SCHIP1: variants seen among roughly 807,000 people sequenced by gnomAD.
SCHIP1 encodes schwannomin-interacting protein 1.
A neutral mutation model predicts 29.7 loss-of-function variants in SCHIP1; 8 were observed. That is an observed-to-expected ratio of 0.27 (90% confidence interval 0.16 to 0.49). The LOEUF is 0.49. Among genes scored for constraint, SCHIP1 ranks in the 20% least tolerant of loss-of-function variants. The probability of loss-of-function intolerance (pLI) is 0.99; values close to 1 mark genes in which losing one functional copy is unlikely to be tolerated. For synonymous variants in SCHIP1, 76 were observed against 94.9 expected (o/e 0.80, Z 1.16); for missense variants, 193 against 294.6 (o/e 0.66, Z 2.52).
the SCHIP1 span, among the ~76,000 whole-genome samples, chr3:159,770,207 G>T: frequency 2.0e-5 from 3 of 152,140 alleles, no homozygotes; most frequent in African/African-American, 7.2e-5. Flanking sequence ...CATGTGCATT[G>T]TTTCTAGGTT....
At chr3:159,867,143 T>C (rs1714711934) in intron 2 of SCHIP1, among the ~76,000 whole-genome samples, 1 of 152,210 alleles carries the variant, frequency 6.6e-6, no homozygotes, top group Admixed American at 6.5e-5. Flanking sequence ...AGAATGTTTT[T>C]ACTAAGATGA....
chr3:159,344,034 A>G, the SCHIP1 span, among the ~76,000 whole-genome samples: 1 of 152,240 alleles, frequency 6.6e-6, no homozygotes, highest in African/African-American at 2.4e-5. Context: ...ACACAAATAT[A>G]AAAATTAAAT....
At chr3:159,787,533 G>A in the SCHIP1 span, among the ~76,000 whole-genome samples, 1 of 152,150 alleles carries the variant, frequency 6.6e-6, no homozygotes, top group East Asian at 1.9e-4. Context: ...CTTGTATTCT[G>A]TGTTTGAAAC....
the SCHIP1 span, among the ~76,000 whole-genome samples, chr3:159,315,465 T>C: frequency 1.3e-5 from 2 of 150,876 alleles, no homozygotes; most frequent in Admixed American, 6.6e-5. Context: ...CCTGACCTCA[T>C]GATCCACCCA....
the SCHIP1 span, among the ~76,000 whole-genome samples, chr3:159,315,194 CTTCTT>C: frequency 7.8e-6 from 1 of 128,412 alleles, no homozygotes; most frequent in African/African-American, 3.1e-5. Context: ...TTTTTTAGGA[CTTCTT>C]TTTTTTTTTT....
the SCHIP1 span, among the ~76,000 whole-genome samples, chr3:159,744,793 C>T: frequency 4.7e-4 from 72 of 152,080 alleles, no homozygotes; most frequent in Non-Finnish European, 8.2e-4. Flanking sequence ...CTGGCTAACA[C>T]GGTGAAACCT....
chr3:159,456,948 T>C, the SCHIP1 span, among the ~76,000 whole-genome samples: 1 of 152,180 alleles, frequency 6.6e-6, no homozygotes, highest in Non-Finnish European at 1.5e-5. Flanking sequence ...AACATTGTGT[T>C]CACATGGTGT....
the SCHIP1 span, among the ~76,000 whole-genome samples, chr3:159,667,674 G>GA: frequency 1.3e-5 from 2 of 152,112 alleles, no homozygotes; most frequent in African/African-American, 2.4e-5. Flanking sequence ...AAGCCAGCAC[G>GA]ATCCCCACAG....
chr3:159,571,320 T>C, the SCHIP1 span, among the ~76,000 whole-genome samples: 1,870 of 152,324 alleles, frequency 0.012, 25 homozygotes, highest in Non-Finnish European at 0.015. Flanking sequence ...ACCTAGTTTA[T>C]TGAGAGTTTT....
chr3:159,577,220 T>C, the SCHIP1 span, among the ~76,000 whole-genome samples: 1 of 151,918 alleles, frequency 6.6e-6, no homozygotes, highest in Admixed American at 6.6e-5. Context: ...ATTTGTCAAA[T>C]CCTCCCCTGA....
the SCHIP1 span, among the ~76,000 whole-genome samples, chr3:159,313,800 C>T: frequency 6.6e-6 from 1 of 152,140 alleles, no homozygotes; most frequent in African/African-American, 2.4e-5. Context: ...CTCCTCTAAT[C>T]TGCAACTGGT....
chr3:159,700,325 G>C, the SCHIP1 span, among the ~76,000 whole-genome samples: 1 of 152,136 alleles, frequency 6.6e-6, no homozygotes, highest in Non-Finnish European at 1.5e-5. Context: ...AAATTACCCA[G>C]TTTCTCCAGC....
At chr3:159,754,449 T>C in the SCHIP1 span, among the ~76,000 whole-genome samples, 1 of 152,234 alleles carries the variant, frequency 6.6e-6, no homozygotes, top group Non-Finnish European at 1.5e-5. Flanking sequence ...TTAAAATTCA[T>C]GACATACTGC....
chr3:159,685,875 T>A, the SCHIP1 span, among the ~76,000 whole-genome samples: 1 of 152,228 alleles, frequency 6.6e-6, no homozygotes, highest in Non-Finnish European at 1.5e-5. Flanking sequence ...ATTTAAAACA[T>A]CAATATGCCA....
chr3:159,767,383 G>A, the SCHIP1 span, among the ~76,000 whole-genome samples: 7 of 152,160 alleles, frequency 4.6e-5, no homozygotes, highest in African/African-American at 1.4e-4. Flanking sequence ...TGTTATAAAA[G>A]ATTGAAAAGC....
At chr3:159,398,460 A>AATT in the SCHIP1 span, among the ~76,000 whole-genome samples, 2 of 152,160 alleles carry the variant, frequency 1.3e-5, no homozygotes, top group South Asian at 4.1e-4. Context: ...GAGGGATTTT[A>AATT]ATTTAGGAAA....
chr3:159,438,015 G>A, the SCHIP1 span, among the ~76,000 whole-genome samples: 2 of 152,050 alleles, frequency 1.3e-5, no homozygotes, highest in Non-Finnish European at 2.9e-5. Context: ...CTTCTTAGGG[G>A]TTGTGAGGAT....
At chr3:159,394,240 T>A in the SCHIP1 span, among the ~76,000 whole-genome samples, 1 of 151,030 alleles carries the variant, frequency 6.6e-6, no homozygotes, top group African/African-American at 2.4e-5. Context: ...TTTCTAGATA[T>A]ACAATCATGT....
chr3:159,646,542 C>T, the SCHIP1 span, among the ~76,000 whole-genome samples: 1 of 152,138 alleles, frequency 6.6e-6, no homozygotes, highest in South Asian at 2.1e-4. Flanking sequence ...TCTCTGCCTA[C>T]TCTTGCTCCC....
Sources: allele counts gnomAD v4.1 joint callset (sites outside exome capture counted in the v4.1 genomes callset), GRCh38; gene constraint gnomAD v4.1.1; transcripts MANE v1.5; gene names NCBI Gene and HGNC (gene_info 2026-07-23, HGNC 2026-07-21).